BNC2: variants seen among roughly 807,000 people sequenced by gnomAD.
BNC2 encodes the protein basonuclin zinc finger protein 2.
A neutral mutation model predicts 76.3 loss-of-function variants in BNC2; 20 were observed. The ratio of observed to expected loss-of-function variants is 0.26; its 90% CI spans 0.18 to 0.38. The LOEUF (loss-of-function observed/expected upper bound fraction) is 0.38, where lower values mean the gene tolerates loss of function less well. Among genes scored for constraint, BNC2 ranks in the 10% least tolerant of loss-of-function variants. The pLI is 1.00. For synonymous variants in BNC2, 582 were observed against 514.8 expected (o/e 1.13, Z -1.77); for missense variants, 1,382 against 1,399.8 (o/e 0.99, Z 0.20).
At chr9:16,730,746 G>A (rs1031137019) in intron 2 of BNC2, among the ~76,000 whole-genome samples, 1 of 152,034 alleles carries the variant, frequency 6.6e-6, no homozygotes, top group South Asian at 2.1e-4. Context: ...CACAACACGA[G>A]CCTTAAAAGC....
chr9:16,420,017 T>C (rs987300264), intron 6 of BNC2, among the ~76,000 whole-genome samples: 21 of 152,252 alleles, frequency 1.4e-4, no homozygotes, highest in African/African-American at 4.3e-4. Context: ...ATATATTAAA[T>C]AGGATAAAAG....
At chr9:16,665,464 A>AAGAGAGAG (rs1563887986) in intron 3 of BNC2, among the ~76,000 whole-genome samples, 1 of 145,318 alleles carries the variant, frequency 6.9e-6, no homozygotes, top group East Asian at 2.0e-4. Flanking sequence ...GAAAGAAAGA[A>AAGAGAGAG]AGAAAGAAAG....
intron 5 of BNC2, chr9:16,473,163 C>T (rs920604917): frequency 6.6e-6 from 1 of 152,232 alleles, no homozygotes; most frequent in Admixed American, 6.5e-5. Context: ...CACAGTGGAA[C>T]CTTACATCTC....
At chr9:16,542,161 T>C (rs1818341357) in intron 5 of BNC2, among the ~76,000 whole-genome samples, 1 of 152,178 alleles carries the variant, frequency 6.6e-6, no homozygotes, top group African/African-American at 2.4e-5. Flanking sequence ...ACACATTTCC[T>C]TACAGAGAGA....
At chr9:16,696,593 T>A (rs1823345517) in intron 3 of BNC2, among the ~76,000 whole-genome samples, 1 of 152,172 alleles carries the variant, frequency 6.6e-6, no homozygotes, top group Admixed American at 6.5e-5. Context: ...CTCCTTAGGA[T>A]CAAGAACTAA....
chr9:16,553,334 G>A (rs767939825), intron 4 of BNC2, among the ~76,000 whole-genome samples: 8 of 152,228 alleles, frequency 5.3e-5, no homozygotes, highest in South Asian at 2.1e-4. Context: ...CTGTGTGGAG[G>A]GCTAGTAATT....
chr9:16,616,391 C>T (rs535192021), intron 3 of BNC2, among the ~76,000 whole-genome samples: 10 of 151,544 alleles, frequency 6.6e-5, no homozygotes, highest in African/African-American at 2.2e-4. Context: ...GACCCTGTCT[C>T]GCAAAATAAA....
In BNC2 at chr9:16,780,250, A is replaced by C. The variant is rs199899143; in HGVS notation, c.4-41765T>G. On this transcript the variant is annotated intron_variant, in intron 1 of 6. Coordinates refer to ENST00000380672, the MANE Select transcript of BNC2 (RefSeq NM_017637.6). ...GACTTCGTTTCAAAAAAAAAAAAAA[A>C]AAAAAACAAAAAAAAACTACTGAAA... is the stretch of plus-strand genomic sequence containing the variant. Among the ~76,000 whole-genome samples, 426 of 124,476 alleles carry C rather than the reference A, an allele frequency of 3.4e-3. 9 individuals are homozygous for C. Among genetic ancestry groups the C allele is most frequent in the African/African-American group, 0.015 (390 of 25,774 alleles). The allele number at this position is 124,476 out of a possible 152,430, so 81.7% of individuals were successfully genotyped here.
At chr9:16,615,778 C>T (rs777824228) in intron 3 of BNC2, among the ~76,000 whole-genome samples, 2 of 152,048 alleles carry the variant, frequency 1.3e-5, no homozygotes, top group Non-Finnish European at 2.9e-5. Flanking sequence ...AGAACTTAGA[C>T]GAGTGGAAGG....
chr9:16,740,399 C>T (rs1272871239), intron 1 of BNC2, among the ~76,000 whole-genome samples: 1 of 152,140 alleles, frequency 6.6e-6, no homozygotes, highest in East Asian at 1.9e-4. Context: ...TGTGTTTGTA[C>T]ATTATTAGTT....
intron 3 of BNC2, chr9:16,664,976 G>C (rs929414441): frequency 4.3e-5 from 19 of 446,996 alleles, no homozygotes; most frequent in Non-Finnish European, 7.6e-5. Flanking sequence ...TTAGCACAAT[G>C]CTTCATGGCA....
intron 3 of BNC2, among the ~76,000 whole-genome samples, chr9:16,700,053 C>T (rs1263014387): frequency 6.6e-6 from 1 of 152,090 alleles, no homozygotes; most frequent in Non-Finnish European, 1.5e-5. Flanking sequence ...CACATATATG[C>T]CTGTATGATA....
intron 1 of BNC2, among the ~76,000 whole-genome samples, chr9:16,829,042 G>C (rs1818519433): frequency 6.6e-6 from 1 of 152,126 alleles, no homozygotes; most frequent in Admixed American, 6.5e-5. Flanking sequence ...CCAGGAGCCG[G>C]CACGAGGCAC....
intron 1 of BNC2, among the ~76,000 whole-genome samples, chr9:16,760,616 C>A (rs779574428): frequency 6.6e-6 from 1 of 152,128 alleles, no homozygotes; most frequent in Non-Finnish European, 1.5e-5. Flanking sequence ...TCCATCTAAT[C>A]CTACAGCCAA....
chr9:16,471,552 A>G (rs922547888), intron 5 of BNC2, among the ~76,000 whole-genome samples: 2 of 152,164 alleles, frequency 1.3e-5, no homozygotes, highest in Admixed American at 6.5e-5. Flanking sequence ...TTGGCCACCC[A>G]AAGTGCCAGG....
chr9:16,556,852 A>C (rs550273607), intron 4 of BNC2, among the ~76,000 whole-genome samples: 1 of 152,250 alleles, frequency 6.6e-6, no homozygotes, highest in East Asian at 1.9e-4. Context: ...AATTTCTTGA[A>C]TATATCAAAA....
chr9:16,606,856 C>T (rs527754413), intron 3 of BNC2, among the ~76,000 whole-genome samples: 25 of 152,306 alleles, frequency 1.6e-4, no homozygotes, highest in African/African-American at 5.8e-4. Flanking sequence ...CCACGCCTGG[C>T]CGGCGATCTG....
intron 1 of BNC2, among the ~76,000 whole-genome samples, chr9:16,755,717 C>CAA (rs752989944): frequency 2.0e-5 from 3 of 152,180 alleles, no homozygotes; most frequent in Admixed American, 6.5e-5. Flanking sequence ...TCAAACTTGA[C>CAA]ATCTTCCCAA....
intron 5 of BNC2, among the ~76,000 whole-genome samples, chr9:16,545,492 T>G (rs1457031121): frequency 6.6e-6 from 1 of 152,194 alleles, no homozygotes; most frequent in Non-Finnish European, 1.5e-5. Context: ...GCCTAATTTT[T>G]TCACACATCT....
Sources: gnomAD v4.1 joint callset for allele counts (sites outside exome capture counted in the v4.1 genomes callset) on GRCh38, gnomAD v4.1.1 for gene constraint, MANE v1.5 for transcripts, NCBI Gene and HGNC (gene_info 2026-07-23, HGNC 2026-07-21) for gene names.